FLNB: variants seen among roughly 807,000 people sequenced by gnomAD.
FLNB encodes the protein filamin B.
In FLNB, 111 loss-of-function variants were observed where a neutral mutation model predicts 250.6. The observed-to-expected ratio is 0.44, with a 90% CI of 0.38 to 0.52. The LOEUF (loss-of-function observed/expected upper bound fraction) is 0.52. FLNB is among the 20% of genes least tolerant of loss of function. FLNB has a pLI of 0.00. For synonymous variants in FLNB, 1,302 were observed against 1,372.1 expected (o/e 0.95, Z 1.13); for missense variants, 2,869 against 3,447.8 (o/e 0.83, Z 4.20).
chr3:58,081,784 C>T lies in FLNB; in HGVS notation c.787+8C>T, dbSNP rs771976937. The T allele has an allele frequency of 2.7e-5, 43 of 1,613,902 alleles. No homozygotes were observed. The highest frequency in any genetic ancestry group is 3.2e-5 in the Non-Finnish European group (38 of 1,179,924). On this transcript the variant is annotated splice_region_variant and intron_variant, in intron 4 of 45. Transcript: ENST00000295956. Reference sequence around the variant, plus strand: ...CCAGGGCCTATGGCAGAGGTGAGTGCTGGTCCTCTGGTGTTGTATTGGAGA... The same window carrying T: ...CCAGGGCCTATGGCAGAGGTGAGTGTTGGTCCTCTGGTGTTGTATTGGAGA...
In FLNB at chr3:58,130,724, C is replaced by T; in HGVS notation, c.4223-17C>T. The T allele has an allele frequency of 6.2e-7, 1 of 1,609,360 alleles. No individual in the cohort carries two copies. Among genetic ancestry groups the T allele is most frequent in the South Asian group, 1.1e-5 (1 of 90,004 alleles). On this transcript the variant is annotated splice_polypyrimidine_tract_variant and intron_variant, in intron 24 of 45. Transcript: ENST00000295956. ...AATTCCCAGCTTGTGCTCAGAATCC[C>T]ACAACCTCTCTTCCAGGCAGCCCCT...
chr3:58,122,351 G>C (rs1354663456), intron 20 of FLNB, among the ~76,000 whole-genome samples: 1 of 151,510 alleles, frequency 6.6e-6, no homozygotes, highest in Non-Finnish European at 1.5e-5. Flanking sequence ...AGATTAGCTG[G>C]GTGTGGTGAC....
At chr3:58,056,108 T>A (rs1381406314) in intron 1 of FLNB, among the ~76,000 whole-genome samples, 28 of 126,814 alleles carry the variant, frequency 2.2e-4, no homozygotes, top group African/African-American at 1.1e-3. Flanking sequence ...TTTATTTATT[T>A]TTTTTTTTTT....
chr3:58,078,089 G>A (rs2097204176), intron 2 of FLNB, among the ~76,000 whole-genome samples: 1 of 152,230 alleles, frequency 6.6e-6, no homozygotes, highest in South Asian at 2.1e-4. Flanking sequence ...TGTCAGTTGG[G>A]TAGGGGAGGG....
chr3:58,109,449 T>C (rs2097264862), intron 14 of FLNB, 127 bp downstream of exon 14: 1 of 1,593,126 alleles, frequency 6.3e-7, no homozygotes, highest in African/African-American at 1.3e-5. Context: ...CCTTGAATGA[T>C]GGAGGGGCCC....
Position 58,102,225 on chromosome 3 carries a change from G to C in FLNB, c.1368G>C (p.Arg456=), listed in dbSNP as rs2097252323. ...CAGCCTGCAATCCAAATGCCTGCCGGGCCAGTGGCCGAGGCCTACAACCCA... is the reference window on the plus strand; with the variant it reads ...CAGCCTGCAATCCAAATGCCTGCCGCGCCAGTGGCCGAGGCCTACAACCCA... ...VGEACNPNAC[R]ASGRGLQPKG... Residue 456 remains arginine, a synonymous_variant, in exon 9 of 46, where the codon CGG becomes CGC. Coordinates refer to ENST00000295956, the MANE Select transcript of FLNB (RefSeq NM_001457.4). 1.2e-6 allele frequency: 2 copies of C among 1,614,086 alleles called. No individual in the cohort carries two copies.
chr3:58,163,293 G>A lies in FLNB; in HGVS notation c.7161G>A (p.Val2387=). The change falls in exon 43 of 46, where the codon GTG becomes GTA. Residue 2387 remains valine (V), a synonymous_variant. Coordinates refer to ENST00000295956, the MANE Select transcript of FLNB (RefSeq NM_001457.4). ...GACAAGCGGGGAACCCTGCCCTGGT[G>A]TCCGCCTATGGCACGGGACTCGAAG... ...EPGQAGNPAL[V]SAYGTGLEGG... 6.2e-7 allele frequency: 1 copy of A among 1,614,216 alleles called. No homozygotes were observed. Among genetic ancestry groups the A allele is most frequent in the Non-Finnish European group, 8.5e-7 (1 of 1,180,050 alleles).
chr3:58,010,416 G>A (rs1358503731), intron 1 of FLNB, among the ~76,000 whole-genome samples: 1 of 152,160 alleles, frequency 6.6e-6, no homozygotes, highest in Non-Finnish European at 1.5e-5. Flanking sequence ...CCTGGGCCCA[G>A]ATGGCAGCCG....
chr3:58,008,949 G>C (rs1392460437), intron 1 of FLNB, 93 bp downstream of exon 1: 1 of 1,491,082 alleles, frequency 6.7e-7, no homozygotes, highest in Non-Finnish European at 9.3e-7. Context: ...CCCGCAGCGC[G>C]CCCCCACCTC....
rs576362003 is a variant in FLNB, at chr3:58,024,728, TA to T, written c.292+15874del. On this transcript the variant is annotated intron_variant, in intron 1 of 45. Transcript: ENST00000295956. ...TTTTTTTTTTTTTTTTTTTTTTTTT[TA>T]ACCTTGAGACAGTCTTGCTTTGTTG... 6.8e-4 allele frequency among the ~76,000 whole-genome samples: 65 copies of T among 96,064 alleles called. 5 individuals carry two copies. The highest frequency in any genetic ancestry group is 1.9e-3 in the Admixed American group (17 of 8,970). 63.0% of individuals were successfully genotyped at this position (96,064 alleles called of 152,430 possible).
At chr3:58,104,529 T>A (rs1018286996) in intron 10 of FLNB, among the ~76,000 whole-genome samples, 2 of 152,248 alleles carry the variant, frequency 1.3e-5, no homozygotes, top group Non-Finnish European at 2.9e-5. Flanking sequence ...GCATTGCACT[T>A]GCCCCTCTGC....
chr3:58,039,801 G>A (rs1018822812), intron 1 of FLNB, among the ~76,000 whole-genome samples: 7 of 152,180 alleles, frequency 4.6e-5, no homozygotes, highest in African/African-American at 1.4e-4. Context: ...GGTAGCACTA[G>A]TGTATGCTCC....
rs2097288483 is a variant in FLNB, at chr3:58,121,363, G to A, written c.2986G>A (p.Val996Met). 2 of 1,614,076 alleles carry A rather than the reference G, an allele frequency of 1.2e-6. No homozygotes were observed. The highest frequency in any genetic ancestry group is 1.7e-6 in the Non-Finnish European group (2 of 1,180,044). The change falls in exon 20 of 46, where the codon GTG becomes ATG. Residue 996 changes from valine to methionine, a missense_variant. Val to Met is a conservative substitution (Grantham distance 21). Around this residue, in one of 5 missense-constraint regions of FLNB, gnomAD observed 1,348 missense variants for 1,466.7 expected, o/e 0.92. Coordinates refer to ENST00000295956, the MANE Select transcript of FLNB (RefSeq NM_001457.4). ...RKVVPCLVTP[V>M]TGRENSTAKF... ...GGTCGTGCCATGCCTAGTGACACCT[G>A]TGACAGGCCGGGAGAACAGCACGGC...
At chr3:58,051,436 T>G (rs1192610523) in intron 1 of FLNB, among the ~76,000 whole-genome samples, 1 of 152,244 alleles carries the variant, frequency 6.6e-6, no homozygotes, top group Non-Finnish European at 1.5e-5. Context: ...TGCAAGCATG[T>G]ACAGTACTTG....
At chr3:58,152,788 TGCTCCGTGCCCCGCATGCGGCC>T in intron 38 of FLNB, 1 of 1,327,804 alleles carries the variant, frequency 7.5e-7, no homozygotes, top group South Asian at 1.2e-5. Context: ...GTGATGGCAG[TGCTCCGTGCCCCGCATGCGGCC>T]GCCTGGCCTC....
At chr3:58,060,102 C>T (rs2097175815) in intron 1 of FLNB, among the ~76,000 whole-genome samples, 1 of 152,230 alleles carries the variant, frequency 6.6e-6, no homozygotes, top group Non-Finnish European at 1.5e-5. Flanking sequence ...TCAGGTTTCA[C>T]CTCTCACTGG....
intron 4 of FLNB, among the ~76,000 whole-genome samples, chr3:58,085,427 G>T (rs1209735379): frequency 6.6e-6 from 1 of 152,234 alleles, no homozygotes; most frequent in East Asian, 1.9e-4. Context: ...TGCCACCTGA[G>T]CCCAGGAAGA....
In FLNB at chr3:58,159,651, C is replaced by G; in HGVS notation, c.6986C>G (p.Ala2329Gly). ...IDAKVHSPSGAVEECHVSELE... is the reference protein window; with the variant it reads ...IDAKVHSPSGGVEECHVSELE... Reference sequence around the variant, plus strand: ...GCAAAGGTGCACAGCCCCTCTGGAGCCGTGGAGGAGTGCCACGTGTCTGAG... The same window carrying G: ...GCAAAGGTGCACAGCCCCTCTGGAGGCGTGGAGGAGTGCCACGTGTCTGAG... The change falls in exon 42 of 46, where the codon GCC (alanine) becomes GGC (glycine). Residue 2329 changes from alanine (A) to glycine (G), a missense_variant. Physicochemically the swap from Ala to Gly is moderately conservative, Grantham distance 60. This residue lies in a region of FLNB where 1,084 missense variants were observed against 1,315.5 expected (regional missense o/e 0.82). Transcript: ENST00000295956. The G allele has an allele frequency of 6.2e-7, 1 of 1,613,924 alleles. No individual in the cohort carries two copies. The highest frequency in any genetic ancestry group is 1.1e-5 in the South Asian group (1 of 91,074).
chr3:58,134,937 C>T (rs188706060), intron 27 of FLNB, among the ~76,000 whole-genome samples, 165 bp downstream of exon 27: 1 of 152,314 alleles, frequency 6.6e-6, no homozygotes, highest in African/African-American at 2.4e-5. Flanking sequence ...AAGCAGCTCA[C>T]CTGAGAGATT....
Sources: allele counts gnomAD v4.1 joint callset (sites outside exome capture counted in the v4.1 genomes callset), GRCh38; gene constraint gnomAD v4.1.1; regional missense constraint gnomAD v4.1.1; transcripts MANE v1.5; gene names NCBI Gene and HGNC (gene_info 2026-07-23, HGNC 2026-07-21).